Variants in PDZRN3 observed in about 807,000 individuals in gnomAD.
PDZRN3 encodes E3 ubiquitin-protein ligase PDZRN3.
Under a neutral mutation model 85.7 loss-of-function variants are expected in PDZRN3, and 38 were observed. The observed-to-expected ratio is 0.44, with a 90% confidence interval of 0.34 to 0.58. PDZRN3 has a LOEUF of 0.58. Among genes scored for constraint, PDZRN3 ranks in the 20% least tolerant of loss-of-function variants. PDZRN3 has a pLI of 0.01. For synonymous variants in PDZRN3, 759 were observed against 638.0 expected, an observed-to-expected ratio of 1.19 and a Z score of -2.86; for missense variants, 1,629 against 1,506.4, an observed-to-expected ratio of 1.08 and a Z score of -1.35.
chr3:73,405,607 T>C (rs938224246), intron 3 of PDZRN3, among the ~76,000 whole-genome samples: 5 of 152,236 alleles, frequency 3.3e-5, no homozygotes, highest in African/African-American at 1.2e-4. Context: ...TCAAAGTTTT[T>C]CTGGAGAACA....
intron 3 of PDZRN3, among the ~76,000 whole-genome samples, chr3:73,593,479 C>G (rs1462512051): frequency 6.6e-6 from 1 of 152,122 alleles, no homozygotes; most frequent in East Asian, 1.9e-4. Context: ...ATGGGAGAGA[C>G]ACTCTGCCAA....
In PDZRN3 at chr3:73,383,889, C is replaced by T; in HGVS notation, c.2677G>A (p.Val893Met). 6.2e-6 allele frequency: 10 copies of T among 1,612,954 alleles called. No individual in the cohort carries two copies. Among genetic ancestry groups the T allele is most frequent in the Non-Finnish European group, 8.5e-6 (10 of 1,179,580 alleles). ...YMQLIQQKSA[V>M]EYAQSQMSLV... Reference sequence around the variant, plus strand: ...CTCATCTGGCTTTGCGCGTACTCCACGGCCGACTTCTGCTGGATCAGCTGC... The same window carrying T: ...CTCATCTGGCTTTGCGCGTACTCCATGGCCGACTTCTGCTGGATCAGCTGC... Residue 893 changes from valine (V) to methionine (M), a missense_variant, in exon 10 of 10, where the codon GTG becomes ATG. Physicochemically the swap from Val to Met is conservative, Grantham distance 21 (BLOSUM62 1). Coordinates refer to ENST00000263666, the MANE Select transcript of PDZRN3 (RefSeq NM_015009.3).
At chr3:73,575,976 A>AG (rs1391787679) in intron 3 of PDZRN3, among the ~76,000 whole-genome samples, 3 of 152,174 alleles carry the variant, frequency 2.0e-5, no homozygotes, top group Non-Finnish European at 4.4e-5. Context: ...AGAGAGGGGC[A>AG]GGGGGATGAG....
chr3:73,498,532 C>CT (rs1282633941), intron 3 of PDZRN3, among the ~76,000 whole-genome samples: 5 of 152,016 alleles, frequency 3.3e-5, no homozygotes, highest in African/African-American at 1.2e-4. Context: ...CTAACGCTAC[C>CT]TTTTTGTGCT....
intron 3 of PDZRN3, among the ~76,000 whole-genome samples, chr3:73,564,839 G>A (rs1701908387): frequency 6.6e-6 from 1 of 152,068 alleles, no homozygotes; most frequent in Non-Finnish European, 1.5e-5. Context: ...GTCAAATGGG[G>A]CAATAATATA....
At chr3:73,505,180 A>G (rs1331282747) in intron 3 of PDZRN3, among the ~76,000 whole-genome samples, 1 of 152,232 alleles carries the variant, frequency 6.6e-6, no homozygotes, top group Admixed American at 6.5e-5. Context: ...GAACTAAACT[A>G]TACTTTTATA....
chr3:73,476,594 G>C (rs1037309761), intron 3 of PDZRN3, among the ~76,000 whole-genome samples: 1 of 152,198 alleles, frequency 6.6e-6, no homozygotes, highest in African/African-American at 2.4e-5. Context: ...TGGCAGGACT[G>C]ATGGCTGCTA....
chr3:73,398,575 G>T (rs78795849), intron 5 of PDZRN3, among the ~76,000 whole-genome samples: 3,895 of 152,272 alleles, frequency 0.026, 180 homozygotes, highest in African/African-American at 0.088. Flanking sequence ...GAACAACAGG[G>T]TTCTAGGGAA....
chr3:73,522,890 T>C (rs896491362), intron 3 of PDZRN3, among the ~76,000 whole-genome samples: 1 of 152,238 alleles, frequency 6.6e-6, no homozygotes, highest in African/African-American at 2.4e-5. Flanking sequence ...TAGGACATAA[T>C]TGCTAACTAT....
At chr3:73,468,132 A>T (rs901818113) in intron 3 of PDZRN3, among the ~76,000 whole-genome samples, 5 of 152,182 alleles carry the variant, frequency 3.3e-5, no homozygotes, top group Admixed American at 3.3e-4. Context: ...TAATTAAAAA[A>T]AAAGCTGAAG....
intron 3 of PDZRN3, among the ~76,000 whole-genome samples, chr3:73,601,750 A>G (rs1702518798): frequency 6.6e-6 from 1 of 152,170 alleles, no homozygotes; most frequent in Admixed American, 6.5e-5. Flanking sequence ...ACATGAGTCT[A>G]CAAACCTGCT....
At chr3:73,437,673 A>C (rs1702556737) in intron 3 of PDZRN3, among the ~76,000 whole-genome samples, 1 of 152,098 alleles carries the variant, frequency 6.6e-6, no homozygotes, top group Admixed American at 6.5e-5. Context: ...AATGGAAAAC[A>C]CTCATGCACC....
chr3:73,571,996 T>C (rs1267495512), intron 3 of PDZRN3, among the ~76,000 whole-genome samples: 1 of 152,228 alleles, frequency 6.6e-6, no homozygotes, highest in Non-Finnish European at 1.5e-5. Flanking sequence ...AGTATGATAC[T>C]TTTTAGAAAT....
chr3:73,400,501 T>C (rs1452621502), intron 5 of PDZRN3, among the ~76,000 whole-genome samples: 1 of 152,190 alleles, frequency 6.6e-6, no homozygotes, highest in African/African-American at 2.4e-5. Context: ...ACAAACCCTT[T>C]TGTTAGGGCG....
chr3:73,546,376 T>C (rs1300011206), intron 3 of PDZRN3, among the ~76,000 whole-genome samples: 1 of 152,228 alleles, frequency 6.6e-6, no homozygotes, highest in Non-Finnish European at 1.5e-5. Context: ...CGTCACTGTC[T>C]ATAAGGGAAA....
At chr3:73,390,822 A>G (rs528119334) in intron 6 of PDZRN3, among the ~76,000 whole-genome samples, 196 bp downstream of exon 6, 20 of 152,260 alleles carry the variant, frequency 1.3e-4, no homozygotes, top group African/African-American at 4.8e-4. Flanking sequence ...CTCAAGGGTA[A>G]TTTTGCCATA....
At chr3:73,603,645 C>T (rs528050702) in intron 2 of PDZRN3, among the ~76,000 whole-genome samples, 1 of 152,188 alleles carries the variant, frequency 6.6e-6, no homozygotes, top group African/African-American at 2.4e-5. Context: ...ACTCTGAATA[C>T]AAATACATAA....
chr3:73,480,610 C>T (rs1441368585), intron 3 of PDZRN3, among the ~76,000 whole-genome samples: 1 of 152,208 alleles, frequency 6.6e-6, no homozygotes, highest in South Asian at 2.1e-4. Context: ...CCCCATCACC[C>T]AGAGTGCACG....
At chr3:73,426,937 C>T (rs927321166) in intron 3 of PDZRN3, among the ~76,000 whole-genome samples, 2 of 152,186 alleles carry the variant, frequency 1.3e-5, no homozygotes, top group African/African-American at 4.8e-5. Context: ...TACTGCCACT[C>T]AAATCAAGAC....
Sources: allele counts gnomAD v4.1 joint callset (sites outside exome capture counted in the v4.1 genomes callset), GRCh38; gene constraint gnomAD v4.1.1; transcripts MANE v1.5; gene names NCBI Gene and HGNC (gene_info 2026-07-23, HGNC 2026-07-21).